Variants in FAM110B observed in about 807,000 individuals in gnomAD.
FAM110B encodes the protein protein FAM110B.
FAM110B carries 6 observed loss-of-function variants against 20.4 expected under a neutral mutation model. The ratio of observed to expected loss-of-function variants is 0.29; its 90% CI spans 0.16 to 0.58. The LOEUF is 0.58. Ranked by LOEUF, FAM110B falls within the 20% of genes least tolerant of loss-of-function variation. The pLI is 0.90. For synonymous variants in FAM110B, 226 were observed against 214.1 expected (o/e 1.06, Z -0.49); for missense variants, 434 against 498.2 (o/e 0.87, Z 1.23).
At chr8:58,115,692 G>C (rs775299469) in intron 3 of FAM110B, among the ~76,000 whole-genome samples, 17 of 152,264 alleles carry the variant, frequency 1.1e-4, no homozygotes, top group Non-Finnish European at 1.8e-4. Context: ...AAGTATCTAA[G>C]AGCACCTTGG....
intron 3 of FAM110B, among the ~76,000 whole-genome samples, chr8:58,095,850 C>G (rs555182639): frequency 8.5e-5 from 13 of 152,272 alleles, no homozygotes; most frequent in African/African-American, 3.1e-4. Flanking sequence ...GTTAAAGTCT[C>G]CCACTATTAT....
At chr8:58,048,087 G>A (rs1156850568) in intron 2 of FAM110B, among the ~76,000 whole-genome samples, 1 of 152,076 alleles carries the variant, frequency 6.6e-6, no homozygotes, top group Non-Finnish European at 1.5e-5. Context: ...AAGCTCTAGG[G>A]TGCTTAAGCG....
intron 3 of FAM110B, among the ~76,000 whole-genome samples, chr8:58,080,312 G>A (rs1056281472): frequency 1.3e-5 from 2 of 152,342 alleles, no homozygotes; most frequent in Admixed American, 6.5e-5. Context: ...TAAATGTCTG[G>A]TGGAATATTA....
intron 2 of FAM110B, among the ~76,000 whole-genome samples, chr8:58,075,326 G>A (rs566680884): frequency 6.9e-6 from 1 of 145,672 alleles, no homozygotes; most frequent in African/African-American, 2.7e-5. Flanking sequence ...ATCATGTTGG[G>A]CAGGCTGGTT....
chr8:58,014,314 A>T (rs1036269322), intron 1 of FAM110B, among the ~76,000 whole-genome samples: 1 of 152,092 alleles, frequency 6.6e-6, no homozygotes, highest in Non-Finnish European at 1.5e-5. Context: ...TGCTTTGTCA[A>T]CTGTAGCACA....
At chr8:58,085,171 TG>T (rs1161574189) in intron 3 of FAM110B, among the ~76,000 whole-genome samples, 1 of 152,230 alleles carries the variant, frequency 6.6e-6, no homozygotes, top group Non-Finnish European at 1.5e-5. Flanking sequence ...TTACTTTTTG[TG>T]GGGGTCATGC....
chr8:58,037,024 AG>A (rs1805087632), intron 2 of FAM110B, among the ~76,000 whole-genome samples: 1 of 152,180 alleles, frequency 6.6e-6, no homozygotes, highest in South Asian at 2.1e-4. Context: ...GTTTGAGTAA[AG>A]GGGAAGAACA....
intron 2 of FAM110B, among the ~76,000 whole-genome samples, chr8:58,062,272 GT>G (rs1318604363): frequency 6.6e-6 from 1 of 152,174 alleles, no homozygotes; most frequent in East Asian, 1.9e-4. Context: ...AATCATCACT[GT>G]TTATGCATGG....
intron 2 of FAM110B, among the ~76,000 whole-genome samples, chr8:58,062,313 G>C (rs527575418): frequency 1.3e-5 from 2 of 152,288 alleles, no homozygotes; most frequent in South Asian, 4.1e-4. Flanking sequence ...AATTGGGGGT[G>C]ATCGTTTTCA....
intron 2 of FAM110B, among the ~76,000 whole-genome samples, chr8:58,039,312 A>G (rs1805153377): frequency 6.6e-6 from 1 of 152,172 alleles, no homozygotes; most frequent in African/African-American, 2.4e-5. Flanking sequence ...TTTCCTGCAG[A>G]GTGCCTGTAA....
At chr8:58,062,992 C>A (rs949136559) in intron 2 of FAM110B, among the ~76,000 whole-genome samples, 2 of 152,190 alleles carry the variant, frequency 1.3e-5, no homozygotes, top group Non-Finnish European at 1.5e-5. Context: ...GCTGACAATT[C>A]TGAGCTGAAC....
At chr8:58,084,809 A>C (rs1343555443) in intron 3 of FAM110B, among the ~76,000 whole-genome samples, 1 of 152,154 alleles carries the variant, frequency 6.6e-6, no homozygotes, top group Non-Finnish European at 1.5e-5. Flanking sequence ...CATGGGGATT[A>C]TGTCCCTAGA....
chr8:58,014,162 C>T (rs148566447), intron 1 of FAM110B, among the ~76,000 whole-genome samples: 1 of 152,242 alleles, frequency 6.6e-6, no homozygotes, highest in African/African-American at 2.4e-5. Context: ...CTTCAGTGAT[C>T]CAGACTGTCT....
At chr8:58,063,346 T>G (rs1483068355) in intron 2 of FAM110B, among the ~76,000 whole-genome samples, 1 of 152,198 alleles carries the variant, frequency 6.6e-6, no homozygotes, top group East Asian at 1.9e-4. Context: ...ATCTTTGCCA[T>G]GCAAAGATAA....
chr8:58,128,950 T>C (rs1807581288), intron 3 of FAM110B, among the ~76,000 whole-genome samples: 1 of 152,208 alleles, frequency 6.6e-6, no homozygotes, highest in South Asian at 2.1e-4. Flanking sequence ...CTGCATTTAT[T>C]GAAATGTCTT....
intron 2 of FAM110B, among the ~76,000 whole-genome samples, chr8:58,059,579 C>A (rs954560815): frequency 2.0e-5 from 3 of 150,176 alleles, no homozygotes; most frequent in Admixed American, 6.6e-5. Context: ...GTCTTTTGCC[C>A]CCTTTTTAAG....
intron 1 of FAM110B, among the ~76,000 whole-genome samples, chr8:58,029,538 A>AT (rs142791553): frequency 0.072 from 10,815 of 150,356 alleles, 508 homozygotes; most frequent in Non-Finnish European, 0.085. Flanking sequence ...ATTAGAAATG[A>AT]TTTTTTTTTT....
chr8:58,031,936 T>C (rs917849360), intron 2 of FAM110B, among the ~76,000 whole-genome samples: 3 of 152,210 alleles, frequency 2.0e-5, no homozygotes, highest in Non-Finnish European at 4.4e-5. Flanking sequence ...TGGTCACTGT[T>C]CTAAGCACAC....
At chr8:58,097,228 G>T (rs1806655147) in intron 3 of FAM110B, among the ~76,000 whole-genome samples, 1 of 152,090 alleles carries the variant, frequency 6.6e-6, no homozygotes, top group Non-Finnish European at 1.5e-5. Flanking sequence ...TTTGTTGGAG[G>T]CTTTGTTCGT....
Sources: allele counts gnomAD v4.1 joint callset (sites outside exome capture counted in the v4.1 genomes callset), GRCh38; gene constraint gnomAD v4.1.1; transcripts MANE v1.5; gene names NCBI Gene and HGNC (gene_info 2026-07-23, HGNC 2026-07-21).